WWC1: variants seen among roughly 807,000 people sequenced by gnomAD.
WWC1 encodes WW and C2 domain containing 1.
A neutral mutation model predicts 138.4 loss-of-function variants in WWC1; 55 were observed. That is an observed-to-expected ratio of 0.40 (90% CI 0.32 to 0.50). WWC1 has a LOEUF of 0.50. WWC1 is among the 20% of genes least tolerant of loss of function. The probability of loss-of-function intolerance (pLI) is 0.72; values close to 1 mark genes in which losing one functional copy is unlikely to be tolerated. For missense variants in WWC1, 1,226 were observed against 1,420.4 expected, an observed-to-expected ratio of 0.86 and a Z score of 2.20; for synonymous variants, 524 against 564.9, an observed-to-expected ratio of 0.93 and a Z score of 1.03.
chr5:168,446,232 TAAAAAAA>T (rs60746695), intron 17 of WWC1, among the ~76,000 whole-genome samples: 6 of 58,752 alleles, frequency 1.0e-4, no homozygotes, highest in South Asian at 9.2e-4. Flanking sequence ...CTCCCATTAT[TAAAAAAA>T]AAAAAAAAAA....
At chr5:168,403,078 CTTTTCTTTCT>C (rs1561712590) in intron 5 of WWC1, among the ~76,000 whole-genome samples, 44 of 70,730 alleles carry the variant, frequency 6.2e-4, no homozygotes, top group East Asian at 1.7e-3. Context: ...TTCTTTCTTT[CTTTTCTTTCT>C]TTTCTTTCTT....
At chr5:168,353,872 A>C (rs1184454835) in intron 1 of WWC1, among the ~76,000 whole-genome samples, 1 of 152,160 alleles carries the variant, frequency 6.6e-6, no homozygotes, top group Non-Finnish European at 1.5e-5. Flanking sequence ...CTGTTGTGAA[A>C]GTTTCATTTG....
intron 9 of WWC1, chr5:168,415,815 CGTGTGTGTGT>C (rs56223676): frequency 7.6e-4 from 5 of 6,562 alleles, no homozygotes; most frequent in South Asian, 0.033. Flanking sequence ...GGGGGGGGGG[CGTGTGTGTGT>C]GTGTGTGTGT....
intron 1 of WWC1, among the ~76,000 whole-genome samples, chr5:168,309,500 C>G (rs1160556961): frequency 6.6e-6 from 1 of 152,134 alleles, no homozygotes; most frequent in African/African-American, 2.4e-5. Flanking sequence ...CCTACCCAGC[C>G]CCCTCTCCAC....
intron 2 of WWC1, among the ~76,000 whole-genome samples, chr5:168,375,979 G>A (rs993293299): frequency 1.3e-5 from 2 of 152,016 alleles, no homozygotes; most frequent in African/African-American, 4.8e-5. Flanking sequence ...TTTAATCAGT[G>A]ATCAAATTTT....
chr5:168,334,399 A>G (rs1214128514), intron 1 of WWC1, among the ~76,000 whole-genome samples: 2 of 152,100 alleles, frequency 1.3e-5, no homozygotes, highest in African/African-American at 4.8e-5. Flanking sequence ...CTTGTGCATT[A>G]TAGAGACTTG....
chr5:168,311,272 G>T (rs563517835), intron 1 of WWC1, among the ~76,000 whole-genome samples: 3 of 152,064 alleles, frequency 2.0e-5, no homozygotes, highest in African/African-American at 4.8e-5. Context: ...TTCAAGTCAG[G>T]CCCTTTCTGG....
chr5:168,471,891 C>T lies in WWC1; in HGVS notation c.*2874C>T, dbSNP rs1454815453. On this transcript the variant is annotated 3_prime_UTR_variant, in exon 23 of 23. Transcript: ENST00000265293. ...AATTCATTGGCACAAAAGGCAGCAG[C>T]ATCCTCACTGTATCTGCAGTCCATT... 2.6e-5 allele frequency: 4 copies of T among 152,250 alleles called. No individual in the cohort carries two copies. The East Asian group carries it at 7.7e-4, about 29-fold the overall frequency. The allele number at this position is 152,250 out of a possible 1,614,324, so 9.4% of individuals were successfully genotyped here.
At chr5:168,325,609 C>G (rs1772464740) in intron 1 of WWC1, among the ~76,000 whole-genome samples, 1 of 152,148 alleles carries the variant, frequency 6.6e-6, no homozygotes, top group South Asian at 2.1e-4. Context: ...CCCATTTGCA[C>G]TGACATTCCA....
Position 168,373,758 on chromosome 5 carries a change from G to T in WWC1, c.229+2225G>T, listed in dbSNP as rs745560701. 2.1e-5 allele frequency among the ~76,000 whole-genome samples: 3 copies of T among 143,574 alleles called. No individual in the cohort carries two copies. In the South Asian group the frequency reaches 6.6e-4, roughly 32 times the overall value. The allele number at this position is 143,574 out of a possible 152,430, so 94.2% of individuals were successfully genotyped here. A position where few individuals can be genotyped will look rare whatever the true frequency, so the allele number is the denominator to read the frequency against. On this transcript the variant is annotated intron_variant, in intron 2 of 22. Transcript: ENST00000265293. The stretch of plus-strand genomic sequence containing the variant: ...AAAAAAAAAAAAAAAAAAAAAAGGT[G>T]GGGGTGTGCTGGGCGCAGTGGCTCA...
At chr5:168,302,662 T>A (rs1205986671) in intron 1 of WWC1, among the ~76,000 whole-genome samples, 1 of 152,142 alleles carries the variant, frequency 6.6e-6, no homozygotes, top group Non-Finnish European at 1.5e-5. Flanking sequence ...TACAAATTAG[T>A]GAGAGGCACA....
intron 1 of WWC1, among the ~76,000 whole-genome samples, chr5:168,369,385 T>TTTG (rs941616553): frequency 5.3e-5 from 8 of 152,114 alleles, no homozygotes; most frequent in Non-Finnish European, 1.2e-4. Context: ...CCTTATTTGT[T>TTTG]TTGTTGTTGT....
intron 7 of WWC1, 90 bp downstream of exon 7, chr5:168,408,743 C>A: frequency 6.4e-7 from 1 of 1,554,170 alleles, no homozygotes; most frequent in South Asian, 1.2e-5. Context: ...CATGGCTCAC[C>A]AGGGAGCTGG....
intron 2 of WWC1, among the ~76,000 whole-genome samples, chr5:168,371,770 C>T (rs894008760): frequency 6.6e-6 from 1 of 152,208 alleles, no homozygotes; most frequent in Non-Finnish European, 1.5e-5. Context: ...CACAATCCAT[C>T]TCCCCAATTT....
intron 1 of WWC1, among the ~76,000 whole-genome samples, chr5:168,300,878 G>C (rs151102056): frequency 6.6e-6 from 1 of 152,338 alleles, no homozygotes; most frequent in Non-Finnish European, 1.5e-5. Flanking sequence ...CAGGCATCAG[G>C]TGGCTGCTAG....
intron 1 of WWC1, among the ~76,000 whole-genome samples, chr5:168,342,481 A>G (rs936528551): frequency 3.3e-5 from 5 of 152,202 alleles, no homozygotes; most frequent in Admixed American, 2.6e-4. Context: ...TGATACATGT[A>G]TAGAAGTTTG....
chr5:168,329,375 A>T (rs574416948), intron 1 of WWC1, among the ~76,000 whole-genome samples: 1 of 152,200 alleles, frequency 6.6e-6, no homozygotes, highest in African/African-American at 2.4e-5. Context: ...TATTTTATAT[A>T]TTTAAAAGGG....
chr5:168,461,920 G>T (rs1015370266), intron 20 of WWC1, among the ~76,000 whole-genome samples: 1 of 152,090 alleles, frequency 6.6e-6, no homozygotes, highest in Admixed American at 6.5e-5. Context: ...GCTGGGCGTG[G>T]TGGTGCATGC....
At position 168,406,187 on chromosome 5, in the gene WWC1, C is replaced by T; in HGVS notation, c.591-11C>T. The T allele has an allele frequency of 6.2e-7, 1 of 1,613,218 alleles. No homozygotes were observed. Among genetic ancestry groups the T allele is most frequent in the Admixed American group, 1.7e-5 (1 of 59,974 alleles). On this transcript the variant is annotated splice_polypyrimidine_tract_variant and intron_variant, in intron 5 of 22. Coordinates refer to ENST00000265293, the MANE Select transcript of WWC1 (RefSeq NM_015238.3). ...ATCTAAGGCTGACCTTTCCCATTAACTGTCTCCTAGAATCGATAAGAAAAT... is the reference window on the plus strand; with the variant it reads ...ATCTAAGGCTGACCTTTCCCATTAATTGTCTCCTAGAATCGATAAGAAAAT...
Sources: gnomAD v4.1 joint callset for allele counts (sites outside exome capture counted in the v4.1 genomes callset) on GRCh38, gnomAD v4.1.1 for gene constraint, MANE v1.5 for transcripts, NCBI Gene and HGNC (gene_info 2026-07-23, HGNC 2026-07-21) for gene names.